TNRC6C: variants seen among roughly 807,000 people sequenced by gnomAD.
The protein encoded by TNRC6C is trinucleotide repeat-containing gene 6C protein.
TNRC6C carries 20 observed loss-of-function variants against 153.7 expected under a neutral mutation model. That is an observed-to-expected ratio of 0.13 (90% confidence interval 0.09 to 0.19). The LOEUF is 0.19. Among genes scored for constraint, TNRC6C ranks in the 10% least tolerant of loss-of-function variants. The pLI is 1.00. For synonymous variants in TNRC6C, 811 were observed against 841.4 expected, an observed-to-expected ratio of 0.96 and a Z score of 0.63; for missense variants, 1,987 against 2,172.0, an observed-to-expected ratio of 0.91 and a Z score of 1.69.
At chr17:78,021,778 C>T (rs1394584692) in intron 1 of TNRC6C, among the ~76,000 whole-genome samples, 1 of 152,138 alleles carries the variant, frequency 6.6e-6, no homozygotes, top group Non-Finnish European at 1.5e-5. Context: ...CCATGTTGGC[C>T]AAGCTGGTCT....
chr17:78,002,150 G>GTAGA (rs1191478603), upstream of TNRC6C, among the ~76,000 whole-genome samples: 1 of 151,946 alleles, frequency 6.6e-6, no homozygotes, highest in African/African-American at 2.4e-5. Flanking sequence ...ACTGTGCAAG[G>GTAGA]TAGACAGTAA....
chr17:78,012,800 G>C (rs2071659886), intron 1 of TNRC6C, among the ~76,000 whole-genome samples: 1 of 152,208 alleles, frequency 6.6e-6, no homozygotes, highest in African/African-American at 2.4e-5. Flanking sequence ...GGACCCAGCA[G>C]ATGGTCAGTG....
chr17:78,033,552 C>T (rs865961432), intron 2 of TNRC6C, among the ~76,000 whole-genome samples: 1 of 151,918 alleles, frequency 6.6e-6, no homozygotes, highest in Non-Finnish European at 1.5e-5. Context: ...GCCTGTAATC[C>T]CAGCTACTCG....
At chr17:78,064,812 A>G (rs1046829539) in exon 4 of TNRC6C, 1 of 1,613,906 alleles carries the variant, frequency 6.2e-7, no homozygotes, top group Non-Finnish European at 8.5e-7. Flanking sequence ...CTGGTGGATA[A>G]TGGCACAGCA....
intron 14 of TNRC6C, among the ~76,000 whole-genome samples, chr17:78,092,395 G>T (rs938482400): frequency 2.6e-5 from 4 of 152,154 alleles, no homozygotes; most frequent in African/African-American, 9.7e-5. Flanking sequence ...GAGGGTTTCA[G>T]ACTAAAAGGA....
chr17:77,981,122 C>A (rs984840140), intron 1 of TNRC6C, among the ~76,000 whole-genome samples: 2 of 152,100 alleles, frequency 1.3e-5, no homozygotes, highest in African/African-American at 4.8e-5. Flanking sequence ...ACTCCAGGCA[C>A]GTACCATCAT....
chr17:78,029,471 G>T (rs560060875), intron 1 of TNRC6C, among the ~76,000 whole-genome samples: 1 of 152,258 alleles, frequency 6.6e-6, no homozygotes, highest in East Asian at 1.9e-4. Context: ...ACGCTATAAA[G>T]AATTTTTAAA....
At chr17:78,024,577 G>C (rs1192475882) in intron 1 of TNRC6C, among the ~76,000 whole-genome samples, 1 of 151,996 alleles carries the variant, frequency 6.6e-6, no homozygotes. Context: ...ATGTTAGCCA[G>C]GATGGTCTCA....
chr17:78,106,528 A>G (rs1176347020), exon 20 of TNRC6C: 3 of 150,168 alleles, frequency 2.0e-5, no homozygotes, highest in Non-Finnish European at 4.4e-5. Context: ...TATTTAAAAA[A>G]AAAAAAAACA....
chr17:77,997,537 T>C (rs908587466), intron 1 of TNRC6C, among the ~76,000 whole-genome samples: 3 of 152,202 alleles, frequency 2.0e-5, no homozygotes, highest in South Asian at 2.1e-4. Context: ...CAACACATAC[T>C]GTCTGCACTT....
intron 16 of TNRC6C, among the ~76,000 whole-genome samples, chr17:78,096,120 C>A (rs2073481723): frequency 6.6e-6 from 1 of 152,180 alleles, no homozygotes; most frequent in African/African-American, 2.4e-5. Flanking sequence ...CGAGCTGACA[C>A]CCTTTTAAAG....
chr17:77,974,629 T>C lies in TNRC6C; in HGVS notation c.-38+15361T>C, dbSNP rs141350652. 6.7e-3 allele frequency among the ~76,000 whole-genome samples: 1,025 copies of C among 152,350 alleles called. 9 individuals carry two copies. Among genetic ancestry groups the C allele is most frequent in the Admixed American group, 0.012 (177 of 15,306 alleles). ...GGCACGTGCCACTGCACCCTACTTGTGTATGTTTTTGGTTCATTTCGTTTT... is the reference window on the plus strand; with the variant it reads ...GGCACGTGCCACTGCACCCTACTTGCGTATGTTTTTGGTTCATTTCGTTTT... On this transcript the variant is annotated intron_variant, in intron 1 of 22. Transcript: ENST00000636222.
intron 13 of TNRC6C, among the ~76,000 whole-genome samples, chr17:78,090,436 G>A (rs1385500918): frequency 6.6e-6 from 1 of 152,206 alleles, no homozygotes; most frequent in Non-Finnish European, 1.5e-5. Flanking sequence ...GAGGCTCACT[G>A]TGCTTACGTA....
exon 3 of TNRC6C, chr17:78,051,345 CACCACCACCACCACT>C: frequency 6.4e-7 from 1 of 1,551,142 alleles, no homozygotes; most frequent in Non-Finnish European, 8.7e-7. Context: ...CCAATACCAC[CACCACCACCACCACT>C]ACCACGAGCA....
At chr17:78,051,344 C>G (rs1490726106) in exon 3 of TNRC6C, 1 of 1,551,284 alleles carries the variant, frequency 6.4e-7, no homozygotes, top group South Asian at 1.2e-5. Flanking sequence ...ACCAATACCA[C>G]CACCACCACC....
At chr17:78,006,379 A>G (rs776802248) in intron 1 of TNRC6C, among the ~76,000 whole-genome samples, 8 of 152,236 alleles carry the variant, frequency 5.3e-5, no homozygotes, top group Non-Finnish European at 1.0e-4. Flanking sequence ...TTTATGGTAC[A>G]TAGTTGTGTA....
intron 1 of TNRC6C, among the ~76,000 whole-genome samples, chr17:77,969,797 T>C (rs1234056689): frequency 6.6e-6 from 1 of 151,860 alleles, no homozygotes; most frequent in East Asian, 1.9e-4. Flanking sequence ...TAGCAGCAAA[T>C]TTTCCTTGGA....
intron 14 of TNRC6C, among the ~76,000 whole-genome samples, chr17:78,092,589 A>G (rs2073412689): frequency 6.6e-6 from 1 of 152,164 alleles, no homozygotes; most frequent in Admixed American, 6.5e-5. Flanking sequence ...GCTAACTGAA[A>G]CAGTCACTGG....
chr17:78,016,182 G>A (rs1360823443), intron 1 of TNRC6C, among the ~76,000 whole-genome samples: 1 of 152,186 alleles, frequency 6.6e-6, no homozygotes, highest in African/African-American at 2.4e-5. Flanking sequence ...CTAGAGCACA[G>A]TGCCACTGCC....
Sources: allele counts gnomAD v4.1 joint callset (sites outside exome capture counted in the v4.1 genomes callset), GRCh38; gene constraint gnomAD v4.1.1; transcripts MANE v1.5; gene names NCBI Gene and HGNC (gene_info 2026-07-23, HGNC 2026-07-21).